Variants in AP2A1 observed in about 807,000 individuals in gnomAD.
AP2A1 encodes adaptor related protein complex 2 subunit alpha 1, also known as AP-2 complex subunit alpha-1.
AP2A1 carries 21 observed loss-of-function variants against 107.3 expected under a neutral mutation model. The observed-to-expected ratio is 0.20, with a 90% CI of 0.14 to 0.28. The LOEUF is 0.28. AP2A1 is among the 10% of genes least tolerant of loss of function. AP2A1 has a pLI of 1.00. For synonymous variants in AP2A1, 602 were observed against 564.8 expected, an observed-to-expected ratio of 1.07 and a Z score of -0.93; for missense variants, 873 against 1,307.7, an observed-to-expected ratio of 0.67 and a Z score of 5.13.
intron 6 of AP2A1, 97 bp from the exon 7 acceptor site, chr19:49,795,533 C>T (rs1463756551): frequency 5.1e-6 from 4 of 787,444 alleles, no homozygotes; most frequent in Non-Finnish European, 8.6e-6. Flanking sequence ...ACTGACAGCA[C>T]TGCCCTTGGA....
intron 4 of AP2A1, 40 bp from the exon 5 acceptor site, chr19:49,791,895 A>G: frequency 1.3e-6 from 2 of 1,567,458 alleles, no homozygotes; most frequent in Non-Finnish European, 1.7e-6. Flanking sequence ...GGCTGGGGTC[A>G]CTGACTCTGC....
intron 1 of AP2A1, among the ~76,000 whole-genome samples, chr19:49,776,093 T>A (rs990845810): frequency 6.6e-6 from 1 of 152,128 alleles, no homozygotes; most frequent in African/African-American, 2.4e-5. Flanking sequence ...CAACAGCCAC[T>A]GGACGGAGCA....
chr19:49,784,420 A>G (rs2084713824), intron 4 of AP2A1, among the ~76,000 whole-genome samples: 1 of 151,020 alleles, frequency 6.6e-6, no homozygotes, highest in Admixed American at 6.6e-5. Flanking sequence ...TGACAGAGCA[A>G]GACTCTGTCT....
rs2123779153 is a variant in AP2A1 at position 49,807,005 on chromosome 19, G to GA, written c.*249dup. The GA allele has an allele frequency of 6.6e-7, 1 of 1,524,458 alleles. No homozygotes were observed. The highest frequency in any genetic ancestry group is 8.8e-7 in the Non-Finnish European group (1 of 1,140,254). 94.4% of individuals were successfully genotyped at this position (1,524,458 alleles called of 1,614,324 possible). A position where few individuals can be genotyped will look rare whatever the true frequency, so the allele number is the denominator to read the frequency against. ...AAGCACAGAGGGGAGAGGGGCCAGG[G>GA]AAGTGGATGTCTCCTCCCCTCCCAC... On this transcript the variant is annotated 3_prime_UTR_variant, in exon 23 of 23. Coordinates refer to ENST00000354293, the MANE Select transcript of AP2A1 (RefSeq NM_130787.3).
Position 49,792,164 on chromosome 19 carries a change from G to A in AP2A1, c.603+100G>A, listed in dbSNP as rs1165365097. ...CTCCCACCTCAGCCCTCACACCCCC[G>A]GATACCCAGGGCTCCCACCTCAGCC... On this transcript the variant is annotated intron_variant, in intron 5 of 22. Transcript: ENST00000354293. 1.7e-5 allele frequency: 21 copies of A among 1,257,534 alleles called. 1 individual carries two copies. The Admixed American group carries it at 1.8e-4, about 11-fold the overall frequency. 77.9% of individuals were successfully genotyped at this position (1,257,534 alleles called of 1,614,324 possible). A position where few individuals can be genotyped will look rare whatever the true frequency, so the allele number is the denominator to read the frequency against.
chr19:49,804,699 A>G (rs1001941094), intron 18 of AP2A1, among the ~76,000 whole-genome samples: 4 of 152,168 alleles, frequency 2.6e-5, no homozygotes, highest in African/African-American at 9.7e-5. Flanking sequence ...ATCTTTGTGT[A>G]CTTACCATGT....
At chr19:49,795,603 A>AC in intron 6 of AP2A1, 27 bp from the exon 7 acceptor site, 2 of 246,846 alleles carry the variant, frequency 8.1e-6, no homozygotes, top group Non-Finnish European at 1.4e-5. Flanking sequence ...CCCAGCCCCC[A>AC]ACTTATTTCT....
At position 49,767,028 on chromosome 19, in the gene AP2A1, C is replaced by T. The variant is rs560354393; in HGVS notation, c.-106C>T. 10 of 1,222,030 alleles carry T rather than the reference C, an allele frequency of 8.2e-6. No individual in the cohort carries two copies. The highest frequency in any genetic ancestry group is 1.8e-5 in the South Asian group (1 of 56,606). 75.7% of individuals were successfully genotyped at this position (1,222,030 alleles called of 1,614,324 possible). On this transcript the variant is annotated 5_prime_UTR_variant, in exon 1 of 23. Transcript: ENST00000354293. ...CAGCCAGCCCTCCCCGCGGCCGGCTCGGCTCCTTGGCGCTGCCTGGGGTCC... is the reference window on the plus strand; with the variant it reads ...CAGCCAGCCCTCCCCGCGGCCGGCTTGGCTCCTTGGCGCTGCCTGGGGTCC...
intron 6 of AP2A1, 43 bp from the exon 7 acceptor site, chr19:49,795,587 T>TTTTTGTTTGTCTTC: frequency 3.4e-6 from 1 of 292,414 alleles, no homozygotes; most frequent in Non-Finnish European, 6.7e-6. Flanking sequence ...CACGTGCCCC[T>TTTTTGTTTGTCTTC]CCCACCCCAG....
rs755382889 is a variant in AP2A1, at chr19:49,799,450, T to C, written c.1089T>C (p.His363=). Residue 363 remains histidine, a synonymous_variant, in exon 9 of 23, where the codon CAT becomes CAC. Transcript: ENST00000354293. ...CGCTGGCCAGCTCCGAGTTCTCCCATGAAGCCGTCAAGACGCACATTGACA... is the reference window on the plus strand; with the variant it reads ...CGCTGGCCAGCTCCGAGTTCTCCCACGAAGCCGTCAAGACGCACATTGACA... ...MCTLASSEFS[H]EAVKTHIDTV... is the part of the protein sequence containing the mutation. 1.1e-5 allele frequency: 17 copies of C among 1,611,826 alleles called. No individual in the cohort carries two copies. Among genetic ancestry groups the C allele is most frequent in the Middle Eastern group, 1.6e-4 (1 of 6,080 alleles).
At chr19:49,803,419 G>A (rs372944525) in intron 18 of AP2A1, 43 bp downstream of exon 18, 1 of 1,563,010 alleles carries the variant, frequency 6.4e-7, no homozygotes, top group Non-Finnish European at 8.8e-7. Context: ...TCTCCACGTC[G>A]GCCTTCCTCA....
At position 49,807,025 on chromosome 19, in the gene AP2A1, T is replaced by G; in HGVS notation, c.*267T>G. ...CCAGGGAAGTGGATGTCTCCTCCCC[T>G]CCCACCCCACCCTGTTGTAGCCCCT... On this transcript the variant is annotated 3_prime_UTR_variant, in exon 23 of 23. Transcript: ENST00000354293. 2 of 630,682 alleles carry G rather than the reference T, an allele frequency of 3.2e-6. No individual in the cohort carries two copies. The highest frequency in any genetic ancestry group is 2.2e-6 in the Non-Finnish European group (1 of 451,524). The allele number at this position is 630,682 out of a possible 1,614,324, so 39.1% of individuals were successfully genotyped here.
chr19:49,776,320 C>A (rs1369305609), intron 1 of AP2A1, among the ~76,000 whole-genome samples: 1 of 152,158 alleles, frequency 6.6e-6, no homozygotes, highest in Non-Finnish European at 1.5e-5. Flanking sequence ...AGCGCGCCTC[C>A]CCTTGTTTCT....
At chr19:49,784,897 A>C (rs2084719312) in intron 4 of AP2A1, among the ~76,000 whole-genome samples, 1 of 152,166 alleles carries the variant, frequency 6.6e-6, no homozygotes, top group Non-Finnish European at 1.5e-5. Context: ...CCAAAAAACA[A>C]ATAAATGTTT....
rs748265613 is a variant in AP2A1, at chr19:49,801,548, A to G, written c.1712A>G (p.Asn571Ser). The G allele has an allele frequency of 8.7e-6, 14 of 1,613,264 alleles. No individual in the cohort carries two copies. The highest frequency in any genetic ancestry group is 2.2e-5 in the South Asian group (2 of 91,048). ...GVLRAGSQLR[N>S]ADVELQQRAV... is the part of the protein sequence containing the mutation. ...CTGCGGGCCGGCTCCCAGCTGCGCAATGCTGACGTGGAGCTGCAGCAGCGA... is the reference window on the plus strand; with the variant it reads ...CTGCGGGCCGGCTCCCAGCTGCGCAGTGCTGACGTGGAGCTGCAGCAGCGA... The change falls in exon 13 of 23, where the codon AAT becomes AGT. Residue 571 changes from asparagine to serine, a missense_variant. By Grantham distance (46) the Asn-to-Ser change is conservative (BLOSUM62 1). This residue lies in a region of AP2A1 where 213 missense variants were observed against 443.5 expected (regional missense o/e 0.48). Coordinates refer to ENST00000354293, the MANE Select transcript of AP2A1 (RefSeq NM_130787.3).
intron 1 of AP2A1, among the ~76,000 whole-genome samples, chr19:49,779,371 G>A (rs1195498652): frequency 6.7e-6 from 1 of 148,524 alleles, no homozygotes; most frequent in Non-Finnish European, 1.5e-5. Context: ...GTTGAATGTG[G>A]TGTTATGCAC....
rs900365784 is a variant in AP2A1 at position 49,781,881 on chromosome 19, CTCCTGTGACCTA to C, written c.137-55_137-44del. The C allele has an allele frequency of 9.9e-6, 16 of 1,608,372 alleles. No individual in the cohort carries two copies. In the African/African-American group the frequency reaches 1.3e-4, roughly 14 times the overall value. On this transcript the variant is annotated intron_variant, in intron 2 of 22. Transcript: ENST00000354293. ...GGGAGGAGGGGGCTGGGAGCTGGGG[CTCCTGTGACCTA>C]TCCTGTGACCCTTCCTTATTTCTGG...
chr19:49,801,671 C>G, intron 13 of AP2A1, 50 bp downstream of exon 13: 1 of 1,527,462 alleles, frequency 6.5e-7, no homozygotes, highest in Non-Finnish European at 8.8e-7. Flanking sequence ...CCCCTTCCCG[C>G]CCTCCCCTCC....
chr19:49,768,421 T>A (rs1203121676), intron 1 of AP2A1, among the ~76,000 whole-genome samples: 1 of 152,110 alleles, frequency 6.6e-6, no homozygotes, highest in Admixed American at 6.5e-5. Flanking sequence ...CTCGGTTTCC[T>A]CATCTGTCAA....
Sources: gnomAD v4.1 joint callset for allele counts (sites outside exome capture counted in the v4.1 genomes callset) on GRCh38, gnomAD v4.1.1 for gene constraint, gnomAD v4.1.1 regional missense constraint, MANE v1.5 for transcripts, NCBI Gene and HGNC (gene_info 2026-07-23, HGNC 2026-07-21) for gene names.